The following ADAM19 variants were observed in gnomAD, a reference collection of about 807,000 sequenced individuals.
ADAM19 encodes the protein disintegrin and metalloproteinase domain-containing protein 19.
Under a neutral mutation model 114.7 loss-of-function variants are expected in ADAM19, and 65 were observed. The observed-to-expected ratio is 0.57, with a 90% CI of 0.46 to 0.70. The LOEUF (loss-of-function observed/expected upper bound fraction) is 0.70. Among genes scored for constraint, ADAM19 ranks in the 30% least tolerant of loss-of-function variants. ADAM19 has a pLI of 0.00. For synonymous variants in ADAM19, 466 were observed against 460.5 expected (o/e 1.01, Z -0.15); for missense variants, 1,063 against 1,204.7 (o/e 0.88, Z 1.74).
At chr5:157,551,435 CA>C (rs1333871716) in intron 3 of ADAM19, among the ~76,000 whole-genome samples, 4 of 132,972 alleles carry the variant, frequency 3.0e-5, no homozygotes, top group Admixed American at 3.0e-4. Context: ...AAAAAAAGAC[CA>C]AAAAAACTAA....
chr5:157,572,389 C>A, intron 1 of ADAM19: 1 of 403,740 alleles, frequency 2.5e-6, no homozygotes, highest in South Asian at 1.8e-5. Context: ...ATGGTAATTT[C>A]CCGACACCTA....
Position 157,505,118 on chromosome 5 carries a change from CA to C in ADAM19, c.1130+550del, listed in dbSNP as rs775250955. ...TGGGCGACAGAGCAAGACTCTGTCT[CA>C]AAAAAAAAAAAAAAAAAAAATTTCC... On this transcript the variant is annotated intron_variant, in intron 11 of 22. Coordinates refer to ENST00000257527, the MANE Select transcript of ADAM19 (RefSeq NM_033274.5). Among the ~76,000 whole-genome samples the C allele has an allele frequency of 7.3e-3, 634 of 86,834 alleles. 3 individuals carry two copies. The highest frequency in any genetic ancestry group is 9.2e-3 in the Admixed American group (71 of 7,740). The allele number at this position is 86,834 out of a possible 152,430, so 57.0% of individuals were successfully genotyped here.
intron 5 of ADAM19, among the ~76,000 whole-genome samples, chr5:157,526,522 C>G (rs1756466901): frequency 1.3e-5 from 2 of 152,294 alleles, no homozygotes; most frequent in South Asian, 4.1e-4. Context: ...ACACCTTAAC[C>G]CAGTATAGAT....
chr5:157,528,027 AAAG>A (rs1756521680), intron 5 of ADAM19, among the ~76,000 whole-genome samples: 1 of 152,140 alleles, frequency 6.6e-6, no homozygotes, highest in South Asian at 2.1e-4. Flanking sequence ...TGTTTCCAGG[AAAG>A]AAGAACAATC....
chr5:157,483,582 G>A (rs1477211156), intron 21 of ADAM19, among the ~76,000 whole-genome samples: 1 of 151,644 alleles, frequency 6.6e-6, no homozygotes, highest in Non-Finnish European at 1.5e-5. Flanking sequence ...AGACCAAAGA[G>A]ATTACACTGG....
At chr5:157,494,161 C>A (rs537307917) in intron 15 of ADAM19, among the ~76,000 whole-genome samples, 1 of 135,562 alleles carries the variant, frequency 7.4e-6, no homozygotes, top group Non-Finnish European at 1.7e-5. Context: ...GATAGATGGA[C>A]GGACAGATGG....
intron 4 of ADAM19, among the ~76,000 whole-genome samples, chr5:157,533,501 C>T (rs905278315): frequency 2.0e-5 from 3 of 152,134 alleles, no homozygotes; most frequent in Non-Finnish European, 4.4e-5. Flanking sequence ...AGTCCTGAAC[C>T]TGGTCCTTAG....
intron 22 of ADAM19, 159 bp downstream of exon 22, chr5:157,481,632 G>C: frequency 6.5e-7 from 1 of 1,550,146 alleles, no homozygotes; most frequent in Non-Finnish European, 8.7e-7. Flanking sequence ...ACAGTCAAGC[G>C]GGCACCAAGA....
At chr5:157,492,659 G>C (rs1755215426) in intron 16 of ADAM19, among the ~76,000 whole-genome samples, 1 of 152,206 alleles carries the variant, frequency 6.6e-6, no homozygotes, top group Non-Finnish European at 1.5e-5. Flanking sequence ...CTGGAGGATA[G>C]AGTCTGTGCT....
At chr5:157,550,322 A>G (rs1757156186) in intron 3 of ADAM19, among the ~76,000 whole-genome samples, 1 of 152,134 alleles carries the variant, frequency 6.6e-6, no homozygotes, top group Non-Finnish European at 1.5e-5. Flanking sequence ...TTCACATGGC[A>G]TTCTCCCAGA....
At chr5:157,502,105 C>T (rs1755580902) in intron 12 of ADAM19, among the ~76,000 whole-genome samples, 2 of 152,150 alleles carry the variant, frequency 1.3e-5, no homozygotes, top group South Asian at 4.2e-4. Context: ...TCAGTCTCAC[C>T]CCCATAATTT....
At chr5:157,483,524 C>T (rs778175492) in intron 21 of ADAM19, among the ~76,000 whole-genome samples, 2 of 151,970 alleles carry the variant, frequency 1.3e-5, no homozygotes, top group South Asian at 2.1e-4. Flanking sequence ...TAAGTCAGCA[C>T]GCTCACCGCC....
At chr5:157,574,084 C>T (rs1228236320) in intron 1 of ADAM19, among the ~76,000 whole-genome samples, 1 of 151,980 alleles carries the variant, frequency 6.6e-6, no homozygotes, top group Non-Finnish European at 1.5e-5. Flanking sequence ...AAGTGAAAAA[C>T]GCAAGACACG....
intron 21 of ADAM19, among the ~76,000 whole-genome samples, 165 bp downstream of exon 21, chr5:157,488,100 C>A (rs528163787): frequency 1.4e-4 from 22 of 152,306 alleles, no homozygotes; most frequent in African/African-American, 5.1e-4. Context: ...TATTTCCCCA[C>A]GTTCGTTGCT....
At chr5:157,525,127 C>G (rs892129764) in intron 5 of ADAM19, among the ~76,000 whole-genome samples, 3 of 152,218 alleles carry the variant, frequency 2.0e-5, no homozygotes, top group Non-Finnish European at 4.4e-5. Flanking sequence ...AGTAGCTTGG[C>G]AGGGTTTAAA....
chr5:157,518,675 C>T (rs755859132), intron 7 of ADAM19, 148 bp downstream of exon 7: 39 of 772,210 alleles, frequency 5.1e-5, no homozygotes, highest in Non-Finnish European at 7.8e-5. Context: ...TGAGCCGCCG[C>T]GCCCAGCCTT....
intron 3 of ADAM19, among the ~76,000 whole-genome samples, chr5:157,547,475 G>C (rs948372310): frequency 6.6e-6 from 1 of 152,188 alleles, no homozygotes; most frequent in Non-Finnish European, 1.5e-5. Flanking sequence ...TTGCTCTCTT[G>C]CTCTTTTTTT....
At position 157,570,438 on chromosome 5, in the gene ADAM19, C is replaced by A. The variant is rs114460607; in HGVS notation, c.180+457G>T. The A allele has an allele frequency of 5.0e-3, 769 of 153,650 alleles. 12 individuals carry two copies. The highest frequency in any genetic ancestry group is 0.017 in the African/African-American group (724 of 41,560). 9.5% of individuals were successfully genotyped at this position (153,650 alleles called of 1,614,324 possible). ...CTGGTGTTCTGGCCAGGGGAGCCTA[C>A]TGGATTTTAAGATACATTCCCCAGT... On this transcript the variant is annotated intron_variant, in intron 2 of 22. Coordinates refer to ENST00000257527, the MANE Select transcript of ADAM19 (RefSeq NM_033274.5).
At position 157,477,470 on chromosome 5, in the gene ADAM19, A is replaced by G; in HGVS notation, c.*3479T>C. 1 of 1,037,698 alleles carries G rather than the reference A, an allele frequency of 9.6e-7. No homozygotes were observed. Among genetic ancestry groups the G allele is most frequent in the Non-Finnish European group, 1.2e-6 (1 of 857,850 alleles). 64.3% of individuals were successfully genotyped at this position (1,037,698 alleles called of 1,614,324 possible). A position where few individuals can be genotyped will look rare whatever the true frequency, so the allele number is the denominator to read the frequency against. ...TTCCGTGAACAATCTCCCAAATAAA[A>G]AGAAAATTCACATTGCCCTGGATCC... On this transcript the variant is annotated 3_prime_UTR_variant, in exon 23 of 23. Transcript: ENST00000257527.
Sources: gnomAD v4.1 joint callset for allele counts (sites outside exome capture counted in the v4.1 genomes callset) on GRCh38, gnomAD v4.1.1 for gene constraint, MANE v1.5 for transcripts, NCBI Gene and HGNC (gene_info 2026-07-23, HGNC 2026-07-21) for gene names.